Variants in SNTG1 observed in about 807,000 individuals in gnomAD.
SNTG1 encodes the protein gamma-1-syntrophin.
In SNTG1, 39 loss-of-function variants were observed where a neutral mutation model predicts 74.7. That is an observed-to-expected ratio of 0.52 (90% CI 0.40 to 0.68). SNTG1 has a LOEUF of 0.68. Among genes scored for constraint, SNTG1 ranks in the 30% least tolerant of loss-of-function variants. SNTG1 has a pLI of 0.00. For missense variants in SNTG1, 685 were observed against 609.5 expected (o/e 1.12, Z -1.30); for synonymous variants, 254 against 217.1 (o/e 1.17, Z -1.49).
At chr8:50,740,801 A>G (rs895137471) in intron 17 of SNTG1, among the ~76,000 whole-genome samples, 1 of 152,084 alleles carries the variant, frequency 6.6e-6, no homozygotes, top group African/African-American at 2.4e-5. Context: ...ATGGAATACT[A>G]AGCAGCCATA....
At chr8:50,234,363 G>A (rs1289312499) in intron 2 of SNTG1, among the ~76,000 whole-genome samples, 1 of 151,914 alleles carries the variant, frequency 6.6e-6, no homozygotes, top group Non-Finnish European at 1.5e-5. Flanking sequence ...CAGATTAGTG[G>A]ATTGCGTGGG....
rs574280064 is a variant in SNTG1 at position 50,483,936 on chromosome 8, C to T, written c.364-18842C>T. Among the ~76,000 whole-genome samples the T allele has an allele frequency of 2.6e-5, 4 of 152,212 alleles. No homozygotes were observed. The South Asian group carries it at 6.2e-4, about 24-fold the overall frequency. On this transcript the variant is annotated intron_variant, in intron 8 of 18. Transcript: ENST00000642720. ...TGTGGTACATAGTTTTCAAGCTAAA[C>T]ATTTATATAGCTATGGTTTTACTAT...
intron 2 of SNTG1, among the ~76,000 whole-genome samples, chr8:50,355,707 A>AATCAGCTG (rs1231267241): frequency 1.3e-5 from 2 of 152,220 alleles, no homozygotes; most frequent in East Asian, 3.8e-4. Flanking sequence ...TTTATGCAAG[A>AATCAGCTG]ATCAGCTGTG....
At chr8:50,487,646 A>G (rs1396998495) in intron 8 of SNTG1, among the ~76,000 whole-genome samples, 6 of 143,906 alleles carry the variant, frequency 4.2e-5, no homozygotes. Flanking sequence ...ATGAGAACAC[A>G]TGGACACAGG....
chr8:50,317,734 C>G (rs2090365500), intron 2 of SNTG1, among the ~76,000 whole-genome samples: 1 of 152,198 alleles, frequency 6.6e-6, no homozygotes, highest in Non-Finnish European at 1.5e-5. Context: ...CATCGTTTGC[C>G]TATTCATGAC....
chr8:50,589,074 A>G (rs1223871319), intron 12 of SNTG1, among the ~76,000 whole-genome samples: 2 of 152,064 alleles, frequency 1.3e-5, no homozygotes, highest in African/African-American at 2.4e-5. Context: ...AATATATTCT[A>G]TATTCTAAAT....
At chr8:49,944,222 C>T (rs1808952209) in intron 1 of SNTG1, among the ~76,000 whole-genome samples, 1 of 151,980 alleles carries the variant, frequency 6.6e-6, no homozygotes, top group Non-Finnish European at 1.5e-5. Context: ...AGGGCAGCTC[C>T]TAGGAGAGTT....
intron 1 of SNTG1, among the ~76,000 whole-genome samples, chr8:49,915,180 T>C (rs1449162254): frequency 6.6e-6 from 1 of 152,198 alleles, no homozygotes; most frequent in African/African-American, 2.4e-5. Context: ...TCTTTACTTT[T>C]CAATGAAGAC....
intron 12 of SNTG1, among the ~76,000 whole-genome samples, chr8:50,584,463 TG>T (rs2094633803): frequency 6.6e-6 from 1 of 151,540 alleles, no homozygotes; most frequent in Non-Finnish European, 1.5e-5. Context: ...CCATTCTAAC[TG>T]GTGTGAGATG....
intron 2 of SNTG1, among the ~76,000 whole-genome samples, chr8:50,372,668 A>T (rs561101058): frequency 1.3e-5 from 2 of 152,168 alleles, no homozygotes; most frequent in African/African-American, 4.8e-5. Context: ...GAAATGAAAG[A>T]TACAGCTCTG....
At chr8:50,282,495 GA>G (rs1317266407) in intron 2 of SNTG1, among the ~76,000 whole-genome samples, 4 of 152,142 alleles carry the variant, frequency 2.6e-5, no homozygotes, top group Non-Finnish European at 5.9e-5. Context: ...ATAAGGCCAG[GA>G]AAACTTTTTA....
At chr8:50,248,648 T>G (rs1305034610) in intron 2 of SNTG1, among the ~76,000 whole-genome samples, 1 of 152,110 alleles carries the variant, frequency 6.6e-6, no homozygotes, top group Admixed American at 6.6e-5. Context: ...TCTATCTCTA[T>G]CTAGATATAT....
intron 15 of SNTG1, among the ~76,000 whole-genome samples, chr8:50,689,766 A>G (rs943579656): frequency 3.3e-5 from 5 of 152,180 alleles, no homozygotes; most frequent in Non-Finnish European, 7.3e-5. Flanking sequence ...GCCTCATAAA[A>G]TGAGTTAGGG....
intron 13 of SNTG1, among the ~76,000 whole-genome samples, chr8:50,638,832 C>T (rs2095054993): frequency 6.6e-6 from 1 of 152,040 alleles, no homozygotes; most frequent in Admixed American, 6.6e-5. Flanking sequence ...TAGAGTATAA[C>T]AGTAGCAGTT....
At chr8:50,486,323 C>G (rs1385081409) in intron 8 of SNTG1, among the ~76,000 whole-genome samples, 1 of 144,228 alleles carries the variant, frequency 6.9e-6, no homozygotes, top group African/African-American at 2.6e-5. Context: ...CTTTTATTTC[C>G]TTGAGCAGTG....
intron 1 of SNTG1, among the ~76,000 whole-genome samples, chr8:50,135,146 C>G (rs1342743704): frequency 6.6e-6 from 1 of 152,158 alleles, no homozygotes; most frequent in South Asian, 2.1e-4. Context: ...GCCCTACCCC[C>G]TGTCAACAAG....
At chr8:49,987,489 G>A (rs972952552) in intron 1 of SNTG1, among the ~76,000 whole-genome samples, 2 of 151,886 alleles carry the variant, frequency 1.3e-5, no homozygotes, top group Non-Finnish European at 2.9e-5. Flanking sequence ...CTTGAAATAG[G>A]GCCCAAATTT....
At chr8:50,381,362 A>T (rs566912021) in intron 2 of SNTG1, among the ~76,000 whole-genome samples, 19 of 151,922 alleles carry the variant, frequency 1.3e-4, no homozygotes, top group African/African-American at 4.6e-4. Context: ...AATTACTTTT[A>T]AAAAATCATA....
intron 8 of SNTG1, among the ~76,000 whole-genome samples, chr8:50,479,803 CAT>C (rs564724307): frequency 1.5e-3 from 227 of 152,192 alleles, no homozygotes; most frequent in African/African-American, 5.3e-3. Context: ...CAAGACATCT[CAT>C]GTTAAATTAC....
Sources: gnomAD v4.1 joint callset for allele counts (sites outside exome capture counted in the v4.1 genomes callset) on GRCh38, gnomAD v4.1.1 for gene constraint, MANE v1.5 for transcripts, NCBI Gene and HGNC (gene_info 2026-07-23, HGNC 2026-07-21) for gene names.